The following SPDYA variants were observed in gnomAD, a reference collection of about 807,000 sequenced individuals.
SPDYA encodes the protein speedy/RINGO cell cycle regulator family member A.
SPDYA carries 11 observed loss-of-function variants against 36.7 expected under a neutral mutation model. The ratio of observed to expected loss-of-function variants is 0.30; its 90% CI spans 0.19 to 0.50. SPDYA has a LOEUF of 0.50. Ranked by LOEUF, SPDYA falls within the 20% of genes least tolerant of loss-of-function variation. The pLI, the probability that SPDYA is intolerant of heterozygous loss-of-function variation, is 0.98. For synonymous variants in SPDYA, 115 were observed against 118.7 expected, an observed-to-expected ratio of 0.97 and a Z score of 0.20; for missense variants, 287 against 370.9, an observed-to-expected ratio of 0.77 and a Z score of 1.86.
chr2:28,816,896 CAG>C (rs1667996787), intron 3 of SPDYA, among the ~76,000 whole-genome samples: 1 of 149,480 alleles, frequency 6.7e-6, no homozygotes, highest in African/African-American at 2.5e-5. Context: ...ATAAGGTAAA[CAG>C]ATTAGAAAAA....
intron 2 of SPDYA, among the ~76,000 whole-genome samples, chr2:28,815,497 A>G (rs933717346): frequency 6.6e-6 from 1 of 152,092 alleles, no homozygotes; most frequent in Non-Finnish European, 1.5e-5. Flanking sequence ...GAATTTACCA[A>G]TAAAGAGATA....
At chr2:28,833,127 T>C (rs938279615) in intron 6 of SPDYA, among the ~76,000 whole-genome samples, 1 of 152,166 alleles carries the variant, frequency 6.6e-6, no homozygotes, top group African/African-American at 2.4e-5. Flanking sequence ...TGAGCCACCA[T>C]ATGCAGCTAT....
intron 5 of SPDYA, among the ~76,000 whole-genome samples, chr2:28,823,719 ATATATATATATATATATATATATAT>A (rs1254375653): frequency 2.4e-4 from 24 of 100,650 alleles, no homozygotes; most frequent in Non-Finnish European, 4.5e-4. Context: ...ATATATATAT[ATATATATATATATATATATATATAT>A]AAAATTTTTT....
chr2:28,820,759 G>T (rs1668136790), intron 4 of SPDYA, among the ~76,000 whole-genome samples: 2 of 152,152 alleles, frequency 1.3e-5, no homozygotes, highest in Non-Finnish European at 2.9e-5. Context: ...ACAGTAAAGG[G>T]AATGAGTGGA....
At position 28,818,462 on chromosome 2, in the gene SPDYA, GAGAA is replaced by G. The variant is rs1263907226; in HGVS notation, c.236-582_236-579del. Among the ~76,000 whole-genome samples, 761 of 115,714 alleles carry G rather than the reference GAGAA, an allele frequency of 6.6e-3. 5 individuals carry two copies. Among genetic ancestry groups the G allele is most frequent in the African/African-American group, 0.024 (704 of 29,256 alleles). The allele number at this position is 115,714 out of a possible 152,430, so 75.9% of individuals were successfully genotyped here. A position where few individuals can be genotyped will look rare whatever the true frequency, so the allele number is the denominator to read the frequency against. On this transcript the variant is annotated intron_variant, in intron 3 of 7. Transcript: ENST00000334056. ...CTTTAAAAAAAAAAAAAAAAAAAAA[GAGAA>G]AGAGAGAAAGGGGGAATGGAAAAAC... is the stretch of plus-strand genomic sequence containing the variant.
intron 7 of SPDYA, 47 bp downstream of exon 7, chr2:28,840,516 C>A: frequency 6.2e-7 from 1 of 1,600,654 alleles, no homozygotes; most frequent in Non-Finnish European, 8.5e-7. Context: ...ATGTTGTTTA[C>A]TGAGCTCTAG....
chr2:28,818,432 T>G (rs1668043605), intron 3 of SPDYA, among the ~76,000 whole-genome samples: 1 of 138,600 alleles, frequency 7.2e-6, no homozygotes, highest in Non-Finnish European at 1.5e-5. Context: ...AGTGAGGCCC[T>G]GTCTCTTTAA....
chr2:28,813,257 A>T (rs1051225109), intron 1 of SPDYA, among the ~76,000 whole-genome samples: 1 of 152,238 alleles, frequency 6.6e-6, no homozygotes, highest in Non-Finnish European at 1.5e-5. Context: ...GGAATAGTGT[A>T]AAGACGCCTA....
chr2:28,820,140 G>A (rs1238634065), intron 4 of SPDYA, among the ~76,000 whole-genome samples: 2 of 151,926 alleles, frequency 1.3e-5, no homozygotes, highest in East Asian at 3.9e-4. Context: ...AAGGTAGTCT[G>A]CATTTTAGTA....
intron 5 of SPDYA, among the ~76,000 whole-genome samples, chr2:28,828,416 AT>A (rs1361048585): frequency 1.3e-5 from 2 of 152,042 alleles, no homozygotes; most frequent in Non-Finnish European, 2.9e-5. Flanking sequence ...CAATCAGTGT[AT>A]TTTTCATTGT....
chr2:28,819,055 T>C lies in SPDYA; in HGVS notation c.243T>C (p.Asp81=), dbSNP rs1437568247. 4 of 1,611,024 alleles carry C rather than the reference T, an allele frequency of 2.5e-6. No individual in the cohort carries two copies. In the South Asian group the frequency reaches 4.4e-5, roughly 18 times the overall value. Residue 81 remains aspartate, a synonymous_variant, in exon 4 of 8, where the codon GAT becomes GAC. Transcript: ENST00000334056. ...AGCTATCTTTTGTTGTAGATGACGA[T>C]TTAATTCAAGATTTCTTGTGGATGG... The part of the protein sequence containing the change: ...MTAFFKLFDD[D]LIQDFLWMDC...
chr2:28,818,372 A>T (rs927902225), intron 3 of SPDYA, among the ~76,000 whole-genome samples: 5 of 151,358 alleles, frequency 3.3e-5, no homozygotes, highest in Admixed American at 6.6e-5. Flanking sequence ...AGGAGTCTGA[A>T]GCCAGAGGAT....
At chr2:28,836,563 A>C (rs1388723588) in intron 6 of SPDYA, among the ~76,000 whole-genome samples, 1 of 152,182 alleles carries the variant, frequency 6.6e-6, no homozygotes, top group Non-Finnish European at 1.5e-5. Flanking sequence ...GCTGCAAAGA[A>C]GCTAAAAGCC....
chr2:28,840,563 T>C, intron 7 of SPDYA, 94 bp downstream of exon 7: 2 of 1,494,556 alleles, frequency 1.3e-6, no homozygotes, highest in Non-Finnish European at 1.8e-6. Flanking sequence ...ATAATTTATA[T>C]ACTCCAACAA....
chr2:28,823,803 T>C (rs2148084201), intron 5 of SPDYA, among the ~76,000 whole-genome samples: 1 of 131,348 alleles, frequency 7.6e-6, no homozygotes, highest in African/African-American at 2.8e-5. Flanking sequence ...TGGAGTGCAG[T>C]GGCGTGATCT....
At chr2:28,844,858 G>T (rs143793920) in intron 7 of SPDYA, among the ~76,000 whole-genome samples, 1 of 152,006 alleles carries the variant, frequency 6.6e-6, no homozygotes, top group African/African-American at 2.4e-5. Context: ...GCTTGAACCC[G>T]GGAGGCGGAG....
intron 1 of SPDYA, among the ~76,000 whole-genome samples, chr2:28,812,814 GC>G (rs1295408887): frequency 3.7e-5 from 5 of 133,350 alleles, no homozygotes; most frequent in African/African-American, 1.4e-4. Flanking sequence ...CCGAGATCGA[GC>G]CATTGCACTC....
rs1407607745 is a variant in SPDYA, at chr2:28,849,906, A to C, written c.907A>C (p.Lys303Gln). Residue 303 changes from lysine (K) to glutamine (Q), a missense_variant, in exon 8 of 8, where the codon AAA becomes CAA. Physicochemically the swap from Lys to Gln is moderately conservative, Grantham distance 53. Coordinates refer to ENST00000334056, the MANE Select transcript of SPDYA (RefSeq NM_182756.4). ...GAAAACTAATTTCTTGAAGAAAGACAAATCTATGGAGTGGTTTACAGGAAG... is the reference window on the plus strand; with the variant it reads ...GAAAACTAATTTCTTGAAGAAAGACCAATCTATGGAGTGGTTTACAGGAAG... ...GKKTNFLKKD[K>Q]SMEWFTGSEE 1.3e-6 allele frequency: 2 copies of C among 1,595,188 alleles called. No individual in the cohort carries two copies. Among genetic ancestry groups the C allele is most frequent in the African/African-American group, 2.7e-5 (2 of 73,962 alleles).
rs1456706974 is a variant in SPDYA, at chr2:28,810,954, G to C, written c.-93+7G>C. 6.6e-6 allele frequency: 1 copy of C among 152,332 alleles called. No homozygotes were observed. The highest frequency in any genetic ancestry group is 2.4e-5 in the African/African-American group (1 of 41,442). 9.4% of individuals were successfully genotyped at this position (152,332 alleles called of 1,614,324 possible). On this transcript the variant is annotated splice_region_variant and intron_variant, in intron 1 of 7. Transcript: ENST00000334056. ...CAGCCCCGGGCTTCCGCAGGTACCTGTGCTCGCCCCCGGGAAGGGGCCTCG... is the reference window on the plus strand; with the variant it reads ...CAGCCCCGGGCTTCCGCAGGTACCTCTGCTCGCCCCCGGGAAGGGGCCTCG...
Sources: gnomAD v4.1 joint callset for allele counts (sites outside exome capture counted in the v4.1 genomes callset) on GRCh38, gnomAD v4.1.1 for gene constraint, MANE v1.5 for transcripts, NCBI Gene and HGNC (gene_info 2026-07-23, HGNC 2026-07-21) for gene names.